Variants in DMD observed in about 807,000 individuals in gnomAD.
DMD encodes mutant dystrophin.
A neutral mutation model predicts 330.1 loss-of-function variants in DMD; 63 were observed. That is an observed-to-expected ratio of 0.19 (90% CI 0.16 to 0.24). DMD has a LOEUF of 0.24. Ranked by LOEUF, DMD falls within the 10% of genes least tolerant of loss-of-function variation. The pLI is 1.00. For missense variants in DMD, 3,344 were observed against 2,684.1 expected (o/e 1.25, Z -5.43); for synonymous variants, 1,223 against 959.8 (o/e 1.27, Z -5.07).
chrX:32,200,098 G>C (rs960814072), intron 44 of DMD, among the ~76,000 whole-genome samples: 5 of 111,196 alleles, frequency 4.5e-5, no homozygotes, highest in African/African-American at 1.6e-4. Context: ...TTCTAAATCA[G>C]CACACCAACT....
At chrX:33,066,130 T>G (rs1357647770) in intron 1 of DMD, among the ~76,000 whole-genome samples, 1 of 108,052 alleles carries the variant, frequency 9.3e-6, no homozygotes, top group Non-Finnish European at 1.9e-5. Context: ...AGCTAAGTAT[T>G]AGGAAGGGTG....
chrX:31,674,659 A>C (rs1340182196), intron 53 of DMD, among the ~76,000 whole-genome samples: 2 of 112,315 alleles, frequency 1.8e-5, no homozygotes, highest in African/African-American at 6.5e-5. Context: ...TTCTCTTTCA[A>C]AAACTGACAG....
At chrX:32,467,812 G>A (rs1262091924) in intron 23 of DMD, among the ~76,000 whole-genome samples, 1 of 109,040 alleles carries the variant, frequency 9.2e-6, no homozygotes, top group African/African-American at 3.3e-5. Context: ...CTGAACTTCT[G>A]ACCTCCAGAA....
rs1188903798 is a variant in DMD, at chrX:31,121,195, T to G, written c.*724A>C. On this transcript the variant is annotated 3_prime_UTR_variant, in exon 79 of 79. Coordinates refer to ENST00000357033, the MANE Select transcript of DMD (RefSeq NM_004006.3). ...AAGTCAGTCTATAGAAATTCGTATCTCTTTATCTATATAACTATAGTATTT... is the reference window on the plus strand; with the variant it reads ...AAGTCAGTCTATAGAAATTCGTATCGCTTTATCTATATAACTATAGTATTT... 3.6e-5 allele frequency: 4 copies of G among 111,686 alleles called. No homozygotes were observed. The highest frequency in any genetic ancestry group is 1.3e-4 in the African/African-American group (4 of 30,690). 9.2% of individuals were successfully genotyped at this position (111,686 alleles called of 1,213,427 possible). A position where few individuals can be genotyped will look rare whatever the true frequency, so the allele number is the denominator to read the frequency against.
intron 7 of DMD, among the ~76,000 whole-genome samples, chrX:32,737,036 TCATA>T (rs1445918900): frequency 2.7e-5 from 3 of 111,179 alleles, no homozygotes; most frequent in Non-Finnish European, 5.7e-5. Context: ...AATATCATGC[TCATA>T]AATAGAGTAA....
chrX:32,514,911 T>A (rs753523937), intron 18 of DMD, among the ~76,000 whole-genome samples: 6 of 111,253 alleles, frequency 5.4e-5, no homozygotes, highest in Non-Finnish European at 1.1e-4. Flanking sequence ...AAGAACAAAT[T>A]GGTTGAAAAA....
chrX:32,569,804 C>A (rs1165248581), intron 15 of DMD, among the ~76,000 whole-genome samples: 2 of 110,654 alleles, frequency 1.8e-5, no homozygotes, highest in African/African-American at 3.3e-5. Context: ...ACCCTGCTTC[C>A]CCAGAGCTGT....
intron 63 of DMD, among the ~76,000 whole-genome samples, chrX:31,241,232 A>G (rs1160695334): frequency 2.7e-5 from 3 of 111,714 alleles, no homozygotes; most frequent in African/African-American, 9.8e-5. Context: ...GTCCCCTCTC[A>G]GGAAGAAAGT....
At chrX:32,627,447 T>A (rs2058427121) in intron 11 of DMD, among the ~76,000 whole-genome samples, 1 of 105,521 alleles carries the variant, frequency 9.5e-6, no homozygotes. Context: ...CTTTTAAATA[T>A]AATTTTTAAA....
At chrX:31,578,417 T>C (rs754093464) in intron 55 of DMD, among the ~76,000 whole-genome samples, 11 of 112,039 alleles carry the variant, frequency 9.8e-5, no homozygotes, top group African/African-American at 3.2e-4. Context: ...CACTCACTTG[T>C]GACAGCCTGT....
At chrX:33,279,260 G>C (rs1229574156) in intron 1 of DMD, among the ~76,000 whole-genome samples, 1 of 111,891 alleles carries the variant, frequency 8.9e-6, no homozygotes, top group African/African-American at 3.2e-5. Context: ...TCAATACCAA[G>C]AGGACCTCTC....
intron 44 of DMD, among the ~76,000 whole-genome samples, chrX:32,054,870 A>G (rs190889741): frequency 8.8e-4 from 46 of 52,528 alleles, no homozygotes; most frequent in African/African-American, 2.3e-3. Context: ...GAGGGAAGGG[A>G]AGGGGAGGGG....
rs146127887 is a variant in DMD, at chrX:32,750,453, A to C, written c.650-51160T>G. ...CAAAATATCTATCAGGTATGAATTT[A>C]AAATATGATATTCATTCAATAATTT... On this transcript the variant is annotated intron_variant, in intron 7 of 78. Transcript: ENST00000357033. 1.0e-3 allele frequency among the ~76,000 whole-genome samples: 112 copies of C among 112,009 alleles called. 1 individual carries two copies. The East Asian group carries it at 0.028, about 28-fold the overall frequency.
chrX:31,394,618 ACT>A, intron 60 of DMD, among the ~76,000 whole-genome samples: 1 of 110,135 alleles, frequency 9.1e-6, no homozygotes, highest in East Asian at 2.8e-4. Context: ...ACATGGTGAA[ACT>A]CTGTCTCTAC....
At chrX:31,449,824 C>CTA (rs1319165083) in intron 59 of DMD, among the ~76,000 whole-genome samples, 4 of 86,777 alleles carry the variant, frequency 4.6e-5, no homozygotes, top group East Asian at 3.5e-4. Context: ...AGAAATCTGG[C>CTA]TATATATATA....
chrX:33,171,580 C>T (rs182534366), intron 1 of DMD, among the ~76,000 whole-genome samples: 405 of 111,401 alleles, frequency 3.6e-3, no homozygotes, highest in African/African-American at 0.012. Context: ...TTGAAACCAA[C>T]CACTTCTATG....
At position 33,044,291 on chromosome X, in the gene DMD, GC is replaced by G. The variant is rs776368546; in HGVS notation, c.32-24092del. Among the ~76,000 whole-genome samples, 171 of 111,159 alleles carry G rather than the reference GC, an allele frequency of 1.5e-3. 1 individual carries two copies. The highest frequency in any genetic ancestry group is 5.4e-3 in the African/African-American group (164 of 30,573). ...TACTAAAAATACAAAAATTAGCCGG[GC>G]GTGGTGGTGCATGCCTGTAATCCCA... is the stretch of plus-strand genomic sequence containing the variant. On this transcript the variant is annotated intron_variant, in intron 1 of 78. Transcript: ENST00000357033.
intron 55 of DMD, among the ~76,000 whole-genome samples, chrX:31,513,485 A>C (rs1307061465): frequency 2.7e-5 from 3 of 111,074 alleles, no homozygotes; most frequent in Non-Finnish European, 5.7e-5. Flanking sequence ...GATATGGAGA[A>C]TCAAGTGGAG....
chrX:31,456,113 C>G (rs1039526387), intron 59 of DMD, among the ~76,000 whole-genome samples: 3 of 111,010 alleles, frequency 2.7e-5, no homozygotes, highest in African/African-American at 9.8e-5. Context: ...GGCTTTTCCA[C>G]TAAAGAAAAG....
Sources: allele counts gnomAD v4.1 joint callset (sites outside exome capture counted in the v4.1 genomes callset), GRCh38; gene constraint gnomAD v4.1.1; transcripts MANE v1.5; gene names NCBI Gene and HGNC (gene_info 2026-07-23, HGNC 2026-07-21).